The following VWA8 variants were observed in gnomAD, a reference collection of about 807,000 sequenced individuals.
VWA8 encodes the protein von Willebrand factor A domain containing 8.
Under a neutral mutation model 241.5 loss-of-function variants are expected in VWA8, and 221 were observed. The ratio of observed to expected loss-of-function variants is 0.91; its 90% confidence interval spans 0.82 to 1.02. The LOEUF (loss-of-function observed/expected upper bound fraction) is 1.02. Ranked by LOEUF, VWA8 falls within the 50% of genes least tolerant of loss-of-function variation. The probability of loss-of-function intolerance (pLI) is 0.00; values close to 1 mark genes in which losing one functional copy is unlikely to be tolerated. For missense variants in VWA8, 2,322 were observed against 2,328.7 expected, an observed-to-expected ratio of 1.00 and a Z score of 0.06; for synonymous variants, 852 against 827.1, an observed-to-expected ratio of 1.03 and a Z score of -0.52.
chr13:41,774,647 C>T (rs943289407), intron 20 of VWA8, among the ~76,000 whole-genome samples: 5 of 152,168 alleles, frequency 3.3e-5, no homozygotes, highest in African/African-American at 9.7e-5. Flanking sequence ...TCAGAGAGTG[C>T]AGTCAAGCCT....
chr13:41,891,215 A>G (rs1874822077), intron 5 of VWA8, among the ~76,000 whole-genome samples: 1 of 150,582 alleles, frequency 6.6e-6, no homozygotes, highest in South Asian at 2.1e-4. Context: ...AAAAAAAAAG[A>G]CAGTAAAAAT....
intron 4 of VWA8, among the ~76,000 whole-genome samples, chr13:41,899,831 T>C (rs1409797710): frequency 6.6e-6 from 1 of 152,198 alleles, no homozygotes; most frequent in Non-Finnish European, 1.5e-5. Flanking sequence ...TGTTACAAGT[T>C]TTCTGCCCAA....
chr13:41,840,570 C>A (rs147120856), intron 12 of VWA8, among the ~76,000 whole-genome samples: 67 of 151,906 alleles, frequency 4.4e-4, no homozygotes, highest in Middle Eastern at 3.4e-3. Flanking sequence ...CCAGCCTGGG[C>A]AACAAGGCAA....
At position 41,842,683 on chromosome 13, in the gene VWA8, G is replaced by C. The variant is rs113036803; in HGVS notation, c.1426-9152C>G. Among the ~76,000 whole-genome samples, 556 of 152,266 alleles carry C rather than the reference G, an allele frequency of 3.7e-3. 3 individuals are homozygous for C. The highest frequency in any genetic ancestry group is 0.013 in the African/African-American group (527 of 41,548). On this transcript the variant is annotated intron_variant, in intron 12 of 44. Coordinates refer to ENST00000379310, the MANE Select transcript of VWA8 (RefSeq NM_015058.2). The stretch of plus-strand genomic sequence containing the variant: ...GATGCAAAATTAAATATAAATGTAA[G>C]GTCAGTATAGGTGCAGATAATACAG...
intron 41 of VWA8, among the ~76,000 whole-genome samples, chr13:41,589,926 C>T (rs1365593790): frequency 6.6e-6 from 1 of 152,210 alleles, no homozygotes; most frequent in Non-Finnish European, 1.5e-5. Flanking sequence ...CTGTACTTCA[C>T]TGTGTGGAGG....
At chr13:41,721,984 A>G (rs559406179) in intron 24 of VWA8, among the ~76,000 whole-genome samples, 1 of 152,274 alleles carries the variant, frequency 6.6e-6, no homozygotes, top group Admixed American at 6.5e-5. Context: ...ATGCAAACAG[A>G]GTTTAGATAA....
intron 26 of VWA8, among the ~76,000 whole-genome samples, chr13:41,705,299 C>T (rs1333226085): frequency 1.1e-5 from 1 of 92,230 alleles, no homozygotes; most frequent in Non-Finnish European, 2.3e-5. Flanking sequence ...TGCAGGGGGT[C>T]GGGGGAGGGT....
In VWA8 at chr13:41,719,750, A is replaced by T. The variant is rs2045370998; in HGVS notation, c.2965-8T>A. The T allele has an allele frequency of 1.3e-6, 2 of 1,573,564 alleles. No homozygotes were observed. Among genetic ancestry groups the T allele is most frequent in the Non-Finnish European group, 1.7e-6 (2 of 1,156,674 alleles). On this transcript the variant is annotated splice_polypyrimidine_tract_variant and splice_region_variant and intron_variant, in intron 25 of 44. Coordinates refer to ENST00000379310, the MANE Select transcript of VWA8 (RefSeq NM_015058.2). ...ACCTTCAGTCGGAAATTTCTGTATT[A>T]AAAAAAAATTCCCTTATTATGCATG...
intron 37 of VWA8, among the ~76,000 whole-genome samples, chr13:41,644,274 G>A (rs1467685161): frequency 1.3e-5 from 2 of 148,354 alleles, no homozygotes; most frequent in African/African-American, 2.5e-5. Flanking sequence ...TACCACCCCC[G>A]CCAAAAAAAA....
intron 22 of VWA8, 143 bp from the exon 23 acceptor site, chr13:41,729,820 C>T (rs1482802499): frequency 2.8e-5 from 16 of 574,178 alleles, no homozygotes; most frequent in Middle Eastern, 9.6e-4. Flanking sequence ...CACACACACA[C>T]ACACACACAC....
At chr13:41,778,832 CTTTTTTTTTTTTTTT>C (rs71096543) in intron 19 of VWA8, among the ~76,000 whole-genome samples, 1 of 82,648 alleles carries the variant, frequency 1.2e-5, no homozygotes, top group African/African-American at 4.8e-5. Flanking sequence ...CAGTACGTCA[CTTTTTTTTTTTTTTT>C]TTTTTTTTTT....
chr13:41,635,634 G>C (rs1025168498), intron 37 of VWA8, among the ~76,000 whole-genome samples: 1 of 152,110 alleles, frequency 6.6e-6, no homozygotes, highest in African/African-American at 2.4e-5. Flanking sequence ...TTTTCAGCCA[G>C]AACTGGGAGG....
At chr13:41,589,379 T>C (rs1182292871) in intron 41 of VWA8, among the ~76,000 whole-genome samples, 1 of 152,184 alleles carries the variant, frequency 6.6e-6, no homozygotes, top group Non-Finnish European at 1.5e-5. Flanking sequence ...ACTAAGGTTG[T>C]TTTATTGTTT....
intron 2 of VWA8, among the ~76,000 whole-genome samples, chr13:41,943,691 C>A (rs547853929): frequency 6.6e-6 from 1 of 152,272 alleles, no homozygotes; most frequent in East Asian, 1.9e-4. Context: ...GCAGACAACT[C>A]AATTTTTTTA....
rs1048554916 is a variant in VWA8 at position 41,794,597 on chromosome 13, C to T, written c.2064-7054G>A. Among the ~76,000 whole-genome samples the T allele has an allele frequency of 2.6e-5, 4 of 152,190 alleles. No homozygotes were observed. The South Asian group carries it at 8.3e-4, about 32-fold the overall frequency. On this transcript the variant is annotated intron_variant, in intron 17 of 44. Coordinates refer to ENST00000379310, the MANE Select transcript of VWA8 (RefSeq NM_015058.2). Reference sequence around the variant, plus strand: ...TCTGTAAACAAAGATAATTTGACCTCCTCTCTTCCTATTTGGATGTGCTTT... The same window carrying T: ...TCTGTAAACAAAGATAATTTGACCTTCTCTCTTCCTATTTGGATGTGCTTT...
Position 41,685,030 on chromosome 13 carries a change from G to C in VWA8, c.4327+17C>G. 6.2e-7 allele frequency: 1 copy of C among 1,603,538 alleles called. No homozygotes were observed. The highest frequency in any genetic ancestry group is 1.7e-5 in the Admixed American group (1 of 57,790). On this transcript the variant is annotated intron_variant, in intron 35 of 44. Coordinates refer to ENST00000379310, the MANE Select transcript of VWA8 (RefSeq NM_015058.2). The stretch of plus-strand genomic sequence containing the variant: ...AAACCACCTTTGTAAATTAGGAATT[G>C]GTGAGTTCCTTCTTACCTTTTGGGT...
rs549107648 is a variant in VWA8 at position 41,879,901 on chromosome 13, T to C, written c.1080+3486A>G. Among the ~76,000 whole-genome samples the C allele has an allele frequency of 1.5e-4, 23 of 152,316 alleles. No individual in the cohort carries two copies. In the South Asian group the frequency reaches 4.8e-3, roughly 32 times the overall value. ...CAGCTTAGTGGTCACATTCTATTTC[T>C]TAGAAATCCACACCTTGAGCCAAAC... On this transcript the variant is annotated intron_variant, in intron 9 of 44. Transcript: ENST00000379310.
At chr13:41,883,249 G>A in intron 9 of VWA8, 138 bp downstream of exon 9, 1 of 622,620 alleles carries the variant, frequency 1.6e-6, no homozygotes. Context: ...GTAAAGAATG[G>A]AGGGGAAGGG....
chr13:41,784,737 C>CACACATATAT lies in VWA8; in HGVS notation c.2171-837_2171-836insATATATGTGT, dbSNP rs1191810226. Reference sequence around the variant, plus strand: ...ATATATATATATATATATACACACACATATATATATATATATATATATATA... The same window carrying CACACATATAT: ...ATATATATATATATATATACACACACACACATATATATATATATATATATATATATATATA... On this transcript the variant is annotated intron_variant, in intron 18 of 44. Transcript: ENST00000379310. 1.9e-4 allele frequency among the ~76,000 whole-genome samples: 14 copies of CACACATATAT among 72,574 alleles called. 1 individual carries two copies. Among genetic ancestry groups the CACACATATAT allele is most frequent in the South Asian group, 5.7e-4 (1 of 1,754 alleles). 47.6% of individuals were successfully genotyped at this position (72,574 alleles called of 152,430 possible). A position where few individuals can be genotyped will look rare whatever the true frequency, so the allele number is the denominator to read the frequency against.
Sources: allele counts gnomAD v4.1 joint callset (sites outside exome capture counted in the v4.1 genomes callset), GRCh38; gene constraint gnomAD v4.1.1; transcripts MANE v1.5; gene names NCBI Gene and HGNC (gene_info 2026-07-23, HGNC 2026-07-21).